Variants in MMADHC observed in about 807,000 individuals in gnomAD.
MMADHC encodes the protein cobalamin trafficking protein CblD.
In MMADHC, 23 loss-of-function variants were observed where a neutral mutation model predicts 36.3. That is an observed-to-expected ratio of 0.63 (90% CI 0.46 to 0.90). The LOEUF (loss-of-function observed/expected upper bound fraction) is 0.90. MMADHC is among the 40% of genes least tolerant of loss of function. MMADHC has a pLI of 0.00. For missense variants in MMADHC, 330 were observed against 348.0 expected, an observed-to-expected ratio of 0.95 and a Z score of 0.41; for synonymous variants, 97 against 116.1, an observed-to-expected ratio of 0.84 and a Z score of 1.06.
chr2:149,574,593 G>A (rs1038476844), intron 6 of MMADHC, among the ~76,000 whole-genome samples: 10 of 152,134 alleles, frequency 6.6e-5, no homozygotes, highest in Non-Finnish European at 1.2e-4. Flanking sequence ...GGGTAAGCTA[G>A]CATGACAGCT....
chr2:149,571,320 G>T, intron 6 of MMADHC, 149 bp from the exon 7 acceptor site: 1 of 531,250 alleles, frequency 1.9e-6, no homozygotes. Flanking sequence ...AGACTGTAAA[G>T]GCGTAAGATT....
intron 6 of MMADHC, among the ~76,000 whole-genome samples, chr2:149,575,203 A>G (rs961217263): frequency 1.3e-5 from 2 of 152,236 alleles, no homozygotes; most frequent in African/African-American, 4.8e-5. Flanking sequence ...AACATGTCAA[A>G]GCATACTTTA....
At position 149,582,261 on chromosome 2, in the gene MMADHC, T is replaced by G. The variant is rs1389820565; in HGVS notation, c.20A>C (p.Asn7Thr). MANVLC[N>T]RARLVSYLPG... is the part of the protein sequence containing the mutation. ...GAGATAGGAAACCAGTCTGGCTCTGTTACAAAGCACCTAGAAATGACACAA... is the reference window on the plus strand; with the variant it reads ...GAGATAGGAAACCAGTCTGGCTCTGGTACAAAGCACCTAGAAATGACACAA... The change falls in exon 3 of 8, where the codon AAC (asparagine) becomes ACC (threonine). Residue 7 changes from asparagine to threonine, a missense_variant. Physicochemically the swap from Asn to Thr is moderately conservative, Grantham distance 65 (BLOSUM62 0). Coordinates refer to ENST00000303319, the MANE Select transcript of MMADHC (RefSeq NM_015702.3). The G allele has an allele frequency of 6.2e-7, 1 of 1,613,746 alleles. No homozygotes were observed. The highest frequency in any genetic ancestry group is 2.2e-5 in the East Asian group (1 of 44,846).
At chr2:149,574,762 TAA>T (rs1436792381) in intron 6 of MMADHC, among the ~76,000 whole-genome samples, 1 of 152,214 alleles carries the variant, frequency 6.6e-6, no homozygotes, top group African/African-American at 2.4e-5. Flanking sequence ...TTGTTGCCTA[TAA>T]TAGCAAAAGT....
rs376023925 is a variant in MMADHC at position 149,578,543 on chromosome 2, T to C, written c.372+888A>G. ...TACTGAATTAGAAATTATAAAAACA[T>C]AGACTGTGGAGGCGGCCAAGGGATT... On this transcript the variant is annotated intron_variant, in intron 4 of 7. Transcript: ENST00000303319. Among the ~76,000 whole-genome samples, 45 of 152,194 alleles carry C rather than the reference T, an allele frequency of 3.0e-4. 1 individual carries two copies. In the South Asian group the frequency reaches 8.9e-3, roughly 30 times the overall value.
At chr2:149,576,345 A>T in intron 5 of MMADHC, 92 bp downstream of exon 5, 1 of 866,646 alleles carries the variant, frequency 1.2e-6, no homozygotes, top group Non-Finnish European at 2.0e-6. Context: ...ATATAATATT[A>T]AGGTATACAG....
At chr2:149,582,102 T>A (rs1407812447) in intron 3 of MMADHC, 25 bp downstream of exon 3, 1 of 1,612,714 alleles carries the variant, frequency 6.2e-7, no homozygotes, top group Non-Finnish European at 8.5e-7. Flanking sequence ...CAATTATAAG[T>A]AAAGCAGTAA....
At chr2:149,576,840 G>A (rs1025885586) in intron 4 of MMADHC, among the ~76,000 whole-genome samples, 3 of 152,098 alleles carry the variant, frequency 2.0e-5, no homozygotes, top group Non-Finnish European at 4.4e-5. Flanking sequence ...GCCATAATGT[G>A]TCTCATAATG....
At chr2:149,586,594 C>T (rs541914250) in intron 2 of MMADHC, among the ~76,000 whole-genome samples, 1 of 152,154 alleles carries the variant, frequency 6.6e-6, no homozygotes, top group South Asian at 2.1e-4. Context: ...CTTATGACCG[C>T]TACATATGAA....
At chr2:149,580,203 C>T (rs564287025) in intron 3 of MMADHC, among the ~76,000 whole-genome samples, 3 of 152,152 alleles carry the variant, frequency 2.0e-5, no homozygotes, top group Non-Finnish European at 4.4e-5. Flanking sequence ...CACAAGGTCT[C>T]CTCCTCCCTC....
chr2:149,572,776 G>A (rs890506052), intron 6 of MMADHC, among the ~76,000 whole-genome samples: 2 of 152,042 alleles, frequency 1.3e-5, no homozygotes, highest in Non-Finnish European at 2.9e-5. Flanking sequence ...ATTCCAAGAG[G>A]CCTAGAAATC....
chr2:149,586,595 T>C (rs1484934598), intron 2 of MMADHC, among the ~76,000 whole-genome samples: 2 of 152,232 alleles, frequency 1.3e-5, no homozygotes, highest in African/African-American at 2.4e-5. Flanking sequence ...TTATGACCGC[T>C]ACATATGAAT....
intron 7 of MMADHC, 26 bp downstream of exon 7, chr2:149,571,059 C>G (rs765216790): frequency 2.0e-6 from 3 of 1,501,096 alleles, no homozygotes; most frequent in Non-Finnish European, 2.8e-6. Context: ...TTCATATAAT[C>G]TGATTTTCAA....
intron 6 of MMADHC, among the ~76,000 whole-genome samples, chr2:149,572,679 T>C (rs1682661692): frequency 6.6e-6 from 1 of 151,982 alleles, no homozygotes; most frequent in Non-Finnish European, 1.5e-5. Context: ...AAGGAGGAGA[T>C]ACATAAAATG....
At chr2:149,586,567 G>A (rs1682871859) in intron 2 of MMADHC, among the ~76,000 whole-genome samples, 1 of 152,052 alleles carries the variant, frequency 6.6e-6, no homozygotes, top group African/African-American at 2.4e-5. Flanking sequence ...TTTAATTGTA[G>A]CTGTTTTTAT....
chr2:149,584,857 G>A (rs1284290174), intron 2 of MMADHC, among the ~76,000 whole-genome samples: 2 of 151,894 alleles, frequency 1.3e-5, no homozygotes, highest in Non-Finnish European at 1.5e-5. Context: ...CCAACATGGT[G>A]AAACCCCGTT....
At chr2:149,575,122 T>C (rs191545138) in intron 6 of MMADHC, among the ~76,000 whole-genome samples, 2 of 152,314 alleles carry the variant, frequency 1.3e-5, no homozygotes, top group Admixed American at 1.3e-4. Flanking sequence ...AAAAAGTTTA[T>C]GGTTTACCCT....
chr2:149,577,154 T>C (rs752521918), intron 4 of MMADHC, among the ~76,000 whole-genome samples: 5 of 152,204 alleles, frequency 3.3e-5, no homozygotes, highest in Non-Finnish European at 7.3e-5. Context: ...TACAGAGTTA[T>C]GAATAAAGTC....
chr2:149,587,049 C>A (rs1208867243), intron 2 of MMADHC, 40 bp downstream of exon 2: 3 of 1,603,198 alleles, frequency 1.9e-6, no homozygotes, highest in Non-Finnish European at 2.6e-6. Flanking sequence ...CATTCCCAAA[C>A]GAGTTTACTA....
Sources: allele counts gnomAD v4.1 joint callset (sites outside exome capture counted in the v4.1 genomes callset), GRCh38; gene constraint gnomAD v4.1.1; transcripts MANE v1.5; gene names NCBI Gene and HGNC (gene_info 2026-07-23, HGNC 2026-07-21).